EXTL3: variants seen among roughly 807,000 people sequenced by gnomAD.
EXTL3 encodes the protein exostosin like glycosyltransferase 3, also known as exostosin-like 3.
Under a neutral mutation model 69.3 loss-of-function variants are expected in EXTL3, and 27 were observed. The observed-to-expected ratio is 0.39, with a 90% CI of 0.29 to 0.54. EXTL3 has a LOEUF of 0.54. Ranked by LOEUF, EXTL3 falls within the 20% of genes least tolerant of loss-of-function variation. The pLI, the probability that EXTL3 is intolerant of heterozygous loss-of-function variation, is 0.69. For synonymous variants in EXTL3, 511 were observed against 499.4 expected (o/e 1.02, Z -0.31); for missense variants, 1,003 against 1,231.8 (o/e 0.81, Z 2.78).
At chr8:28,649,509 G>A (rs1806884407) in intron 1 of EXTL3, among the ~76,000 whole-genome samples, 1 of 152,080 alleles carries the variant, frequency 6.6e-6, no homozygotes, top group South Asian at 2.1e-4. Context: ...TTGGCCATTT[G>A]CACCTCCTCC....
chr8:28,746,398 G>T lies in EXTL3; in HGVS notation c.2550+3184G>T, dbSNP rs139086203. ...AGATGGCTTAGGTGGTAAGGAAGCCGAAATGCAAGTGAACGTCTTGGTTCT... is the reference window on the plus strand; with the variant it reads ...AGATGGCTTAGGTGGTAAGGAAGCCTAAATGCAAGTGAACGTCTTGGTTCT... On this transcript the variant is annotated intron_variant, in intron 6 of 6. Transcript: ENST00000220562. Among the ~76,000 whole-genome samples the T allele has an allele frequency of 7.3e-4, 111 of 152,278 alleles. 1 individual carries two copies. The highest frequency in any genetic ancestry group is 2.3e-3 in the African/African-American group (96 of 41,550).
chr8:28,639,539 T>C (rs1274835396), intron 1 of EXTL3, among the ~76,000 whole-genome samples: 3 of 152,218 alleles, frequency 2.0e-5, no homozygotes, highest in Non-Finnish European at 4.4e-5. Context: ...TGAAAGGTGC[T>C]GCCTGCTGCG....
intron 2 of EXTL3, among the ~76,000 whole-genome samples, chr8:28,713,903 C>CTTTTTTTTTTTTTTT (rs55737430): frequency 1.5e-4 from 17 of 113,764 alleles, no homozygotes; most frequent in East Asian, 2.5e-4. Context: ...TTCTTTCTTT[C>CTTTTTTTTTTTTTTT]TTTTTTTTTT....
rs556600224 is a variant in EXTL3 at position 28,703,404 on chromosome 8, T to G, written c.-570+1745T>G. ...GAGTAAAAAGATTTTAAGGGAACAG[T>G]TTGGAGAGAAGTAAGTCGGGCCAGG... On this transcript the variant is annotated intron_variant, in intron 1 of 6. Coordinates refer to ENST00000220562, the MANE Select transcript of EXTL3 (RefSeq NM_001440.4). Among the ~76,000 whole-genome samples, 5 of 141,748 alleles carry G rather than the reference T, an allele frequency of 3.5e-5. No individual in the cohort carries two copies. In the East Asian group the frequency reaches 1.0e-3, roughly 30 times the overall value. 93.0% of individuals were successfully genotyped at this position (141,748 alleles called of 152,430 possible). A position where few individuals can be genotyped will look rare whatever the true frequency, so the allele number is the denominator to read the frequency against.
intron 3 of EXTL3, among the ~76,000 whole-genome samples, chr8:28,728,558 G>GA (rs1801462143): frequency 6.6e-6 from 1 of 152,180 alleles, no homozygotes; most frequent in African/African-American, 2.4e-5. Context: ...GAGTTGGGCA[G>GA]GACCTCCTCT....
chr8:28,648,417 T>A (rs1178515340), intron 1 of EXTL3, among the ~76,000 whole-genome samples: 2 of 152,160 alleles, frequency 1.3e-5, no homozygotes, highest in African/African-American at 4.8e-5. Flanking sequence ...CCAGAGGTAA[T>A]GTTGAATAAG....
At chr8:28,681,050 G>A (rs1807479299) in intron 1 of EXTL3, among the ~76,000 whole-genome samples, 2 of 151,678 alleles carry the variant, frequency 1.3e-5, no homozygotes, top group East Asian at 2.0e-4. Flanking sequence ...GCTAATTTTT[G>A]TATTTTTAGT....
intron 1 of EXTL3, among the ~76,000 whole-genome samples, chr8:28,639,776 A>G (rs765166376): frequency 1.5e-4 from 23 of 152,150 alleles, no homozygotes; most frequent in Non-Finnish European, 1.6e-4. Context: ...TACTTTTTCC[A>G]TCTTAGCACT....
intron 1 of EXTL3, among the ~76,000 whole-genome samples, chr8:28,708,977 G>T (rs942533181): frequency 6.6e-6 from 1 of 152,148 alleles, no homozygotes; most frequent in Non-Finnish European, 1.5e-5. Context: ...TATTATTCAT[G>T]GTTACAGCGG....
chr8:28,683,119 G>A (rs1306455017), intron 1 of EXTL3, among the ~76,000 whole-genome samples: 2 of 152,158 alleles, frequency 1.3e-5, no homozygotes, highest in African/African-American at 4.8e-5. Flanking sequence ...ATTGGTCTAT[G>A]TGTCTGTTTT....
At chr8:28,657,905 T>G (rs1468638649) in intron 1 of EXTL3, among the ~76,000 whole-genome samples, 2 of 152,242 alleles carry the variant, frequency 1.3e-5, no homozygotes, top group Admixed American at 6.5e-5. Flanking sequence ...AGAGGTTTAC[T>G]TAATCGACCT....
intron 1 of EXTL3, among the ~76,000 whole-genome samples, chr8:28,686,476 T>C (rs567480508): frequency 5.3e-5 from 8 of 152,288 alleles, no homozygotes; most frequent in Admixed American, 4.6e-4. Context: ...CAAAGGGCTC[T>C]TCATGTGTGG....
At chr8:28,655,766 T>G in intron 1 of EXTL3, among the ~76,000 whole-genome samples, 1 of 152,174 alleles carries the variant, frequency 6.6e-6, no homozygotes, top group East Asian at 1.9e-4. Context: ...AGTACTAGGA[T>G]TGTAGCATGA....
intron 2 of EXTL3, among the ~76,000 whole-genome samples, chr8:28,610,239 T>G (rs767849691): frequency 2.7e-5 from 3 of 112,664 alleles, no homozygotes; most frequent in Middle Eastern, 4.1e-3. Context: ...GTGTGTGTGT[T>G]TGTGTATGCA....
chr8:28,691,623 C>T (rs1800618070), intron 1 of EXTL3, among the ~76,000 whole-genome samples: 1 of 139,676 alleles, frequency 7.2e-6, no homozygotes, highest in South Asian at 2.2e-4. Flanking sequence ...GTTGGCCGGG[C>T]ACGGTGGCTC....
chr8:28,728,235 C>T (rs993858748), intron 3 of EXTL3, among the ~76,000 whole-genome samples: 1 of 152,204 alleles, frequency 6.6e-6, no homozygotes, highest in African/African-American at 2.4e-5. Flanking sequence ...TGGCCTCTTA[C>T]CATTGCTGAG....
intron 1 of EXTL3, among the ~76,000 whole-genome samples, chr8:28,689,386 C>T (rs1253494851): frequency 1.3e-5 from 2 of 152,204 alleles, no homozygotes; most frequent in African/African-American, 2.4e-5. Flanking sequence ...CCCATCTCTT[C>T]TTATCCACCT....
At chr8:28,648,564 A>G (rs1380333971) in intron 1 of EXTL3, among the ~76,000 whole-genome samples, 1 of 152,088 alleles carries the variant, frequency 6.6e-6, no homozygotes, top group Non-Finnish European at 1.5e-5. Flanking sequence ...TCCTTTTCTT[A>G]AATAATAAGA....
At chr8:28,635,884 ATTTTC>A (rs757011642) in intron 1 of EXTL3, among the ~76,000 whole-genome samples, 22 of 152,186 alleles carry the variant, frequency 1.4e-4, no homozygotes, top group Admixed American at 5.9e-4. Context: ...TAAGGATAGA[ATTTTC>A]TTTTCTTTTT....
Sources: gnomAD v4.1 joint callset for allele counts (sites outside exome capture counted in the v4.1 genomes callset) on GRCh38, gnomAD v4.1.1 for gene constraint, MANE v1.5 for transcripts, NCBI Gene and HGNC (gene_info 2026-07-23, HGNC 2026-07-21) for gene names.